AJAP1: variants seen among roughly 807,000 people sequenced by gnomAD.
AJAP1 encodes the protein adherens junction-associated protein 1.
In AJAP1, 5 loss-of-function variants were observed where a neutral mutation model predicts 35.0. The ratio of observed to expected loss-of-function variants is 0.14; its 90% CI spans 0.07 to 0.30. AJAP1 has a LOEUF of 0.30. Ranked by LOEUF, AJAP1 falls within the 10% of genes least tolerant of loss-of-function variation. AJAP1 has a pLI of 1.00. For missense variants in AJAP1, 586 were observed against 571.0 expected (o/e 1.03, Z -0.27); for synonymous variants, 284 against 249.3 (o/e 1.14, Z -1.31).
rs1640880622 is a variant in AJAP1, at chr1:4,734,853, G to A, written c.829+22154G>A. The stretch of plus-strand genomic sequence containing the variant: ...GAAGCATCTTCTGCTTCCGAGGCCC[G>A]AAACAGTGGCGTTTCCTCTTCCCCG... On this transcript the variant is annotated intron_variant, in intron 2 of 5. Coordinates refer to ENST00000378191, the MANE Select transcript of AJAP1 (RefSeq NM_018836.4). This position sits in a 1 kb window ranked among gnomAD's most constrained non-coding sequence, Gnocchi z 4.3. 6.6e-6 allele frequency among the ~76,000 whole-genome samples: 1 copy of A among 152,140 alleles called. No homozygotes were observed. The highest frequency in any genetic ancestry group is 6.5e-5 in the Admixed American group (1 of 15,280).
rs558713184 is a variant in AJAP1, at chr1:4,740,810, G to T, written c.829+28111G>T. Among the ~76,000 whole-genome samples the T allele has an allele frequency of 5.7e-3, 859 of 150,884 alleles. 5 individuals are homozygous for T. The highest frequency in any genetic ancestry group is 0.01 in the Non-Finnish European group (686 of 67,754). ...CAAAAAAAAAAAAAAAAAAAAGCGG[G>T]GGGGGCTAAGATGGTCAATTTTATC... On this transcript the variant is annotated intron_variant, in intron 2 of 5. Transcript: ENST00000378191.
intron 5 of AJAP1, among the ~76,000 whole-genome samples, chr1:4,775,227 T>C (rs1446760823): frequency 1.3e-5 from 2 of 152,180 alleles, no homozygotes; most frequent in Non-Finnish European, 2.9e-5. Flanking sequence ...GTGCTGAGTC[T>C]TCAGAGCACT....
chr1:4,729,747 C>T (rs988719728), intron 2 of AJAP1, among the ~76,000 whole-genome samples: 1 of 152,224 alleles, frequency 6.6e-6, no homozygotes, highest in African/African-American at 2.4e-5. Context: ...AATAAGGTCA[C>T]AGTTCACGGG....
chr1:4,765,428 A>T (rs186284814), intron 2 of AJAP1, among the ~76,000 whole-genome samples: 3 of 151,956 alleles, frequency 2.0e-5, no homozygotes, highest in Admixed American at 2.0e-4. Flanking sequence ...GCTAATAGCC[A>T]CCAGAGACTT....
intron 2 of AJAP1, among the ~76,000 whole-genome samples, chr1:4,737,819 T>C (rs916704582): frequency 1.3e-5 from 2 of 152,178 alleles, no homozygotes; most frequent in African/African-American, 2.4e-5. Flanking sequence ...GGTGGATCGC[T>C]TGAGCCCAGA....
chr1:4,706,437 T>A (rs1389007507), intron 1 of AJAP1, among the ~76,000 whole-genome samples: 1 of 152,130 alleles, frequency 6.6e-6, no homozygotes, highest in Non-Finnish European at 1.5e-5. Flanking sequence ...AACTTCCCCA[T>A]CAAATGCAGC....
intron 1 of AJAP1, among the ~76,000 whole-genome samples, chr1:4,704,766 C>G (rs1456087910): frequency 6.6e-6 from 1 of 152,180 alleles, no homozygotes; most frequent in African/African-American, 2.4e-5. Flanking sequence ...AGTTTACAGT[C>G]CCACCAACAG....
At chr1:4,680,044 G>A (rs960306273) in intron 1 of AJAP1, among the ~76,000 whole-genome samples, 1 of 152,188 alleles carries the variant, frequency 6.6e-6, no homozygotes, top group Non-Finnish European at 1.5e-5. Context: ...GACTCAAGAA[G>A]AGCTGATGTT....
At chr1:4,749,942 A>G (rs533309683) in intron 2 of AJAP1, among the ~76,000 whole-genome samples, 4 of 151,926 alleles carry the variant, frequency 2.6e-5, no homozygotes, top group Non-Finnish European at 4.4e-5. Flanking sequence ...TTGTGTATGC[A>G]TGTGCCCATT....
Position 4,782,093 on chromosome 1 carries a change from C to T in AJAP1, c.*60-452C>T, listed in dbSNP as rs112250354. Among the ~76,000 whole-genome samples the T allele has an allele frequency of 0.015, 2,306 of 152,294 alleles. 53 individuals are homozygous for T. Among genetic ancestry groups the T allele is most frequent in the African/African-American group, 0.053 (2,206 of 41,544 alleles). On this transcript the variant is annotated intron_variant, in intron 5 of 5. Coordinates refer to ENST00000378191, the MANE Select transcript of AJAP1 (RefSeq NM_018836.4). This position sits in a 1 kb window ranked among gnomAD's most constrained non-coding sequence, Gnocchi z 5.3. ...GACAGAAACAGACTCCCATTCTTCC[C>T]GCAGCACAGGAGTGGAGCAGGCCCC...
chr1:4,677,092 G>A (rs1639378605), intron 1 of AJAP1, among the ~76,000 whole-genome samples: 1 of 152,236 alleles, frequency 6.6e-6, no homozygotes, highest in Non-Finnish European at 1.5e-5. Context: ...GGGAGGCGGA[G>A]GTTGCGGTGA....
At chr1:4,674,538 T>A (rs1415059177) in intron 1 of AJAP1, among the ~76,000 whole-genome samples, 1 of 152,176 alleles carries the variant, frequency 6.6e-6, no homozygotes, top group Admixed American at 6.5e-5. Flanking sequence ...GGTTCAGAGG[T>A]CAGTGCAGAA....
At chr1:4,767,025 A>G (rs1055758130) in intron 2 of AJAP1, among the ~76,000 whole-genome samples, 1 of 152,092 alleles carries the variant, frequency 6.6e-6, no homozygotes, top group African/African-American at 2.4e-5. Context: ...TTAGCCCATA[A>G]TGCACCCTTC....
intron 1 of AJAP1, among the ~76,000 whole-genome samples, chr1:4,663,992 C>T (rs1322381529): frequency 1.3e-5 from 2 of 152,206 alleles, no homozygotes; most frequent in African/African-American, 2.4e-5. Flanking sequence ...TGCAACATAT[C>T]AGTGAACAGT....
At chr1:4,668,439 G>T (rs1277603093) in intron 1 of AJAP1, among the ~76,000 whole-genome samples, 7 of 152,102 alleles carry the variant, frequency 4.6e-5, no homozygotes, top group African/African-American at 1.4e-4. Context: ...ATACATGTCT[G>T]CACTTTTTCC....
rs373607587 is a variant in AJAP1, at chr1:4,772,574, C to T, written c.1163+49C>T. 3.9e-5 allele frequency: 63 copies of T among 1,599,054 alleles called. 1 individual carries two copies. The highest frequency in any genetic ancestry group is 3.3e-4 in the Middle Eastern group (2 of 6,004). On this transcript the variant is annotated intron_variant, in intron 4 of 5. Transcript: ENST00000378191. ...CTGCAGCTGTGAAGCTCTTGGTGCT[C>T]CTGACCCCCGGGGGCCGGTGTGGCT...
At chr1:4,763,209 T>C (rs1557644692) in intron 2 of AJAP1, among the ~76,000 whole-genome samples, 4 of 152,218 alleles carry the variant, frequency 2.6e-5, no homozygotes, top group African/African-American at 9.6e-5. Flanking sequence ...CCACCCAAAG[T>C]GTCTCCAGAC....
chr1:4,779,245 G>C (rs1313809622), intron 5 of AJAP1, among the ~76,000 whole-genome samples: 1 of 152,192 alleles, frequency 6.6e-6, no homozygotes, highest in Non-Finnish European at 1.5e-5. Context: ...AAGAAGAAGA[G>C]GAAGAGTGAG....
chr1:4,711,872 G>A lies in AJAP1; in HGVS notation c.30-28G>A, dbSNP rs369460454. ...TCCCCCTCCTGGGCTTCCACTGACC[G>A]CTCTTCTCTCCTTTCCCCCCCGCAC... is the stretch of plus-strand genomic sequence containing the variant. On this transcript the variant is annotated intron_variant, in intron 1 of 5. Coordinates refer to ENST00000378191, the MANE Select transcript of AJAP1 (RefSeq NM_018836.4). 8 of 1,435,380 alleles carry A rather than the reference G, an allele frequency of 5.6e-6. No homozygotes were observed. In the South Asian group the frequency reaches 1.2e-4, roughly 22 times the overall value. The allele number at this position is 1,435,380 out of a possible 1,614,324, so 88.9% of individuals were successfully genotyped here.
Sources: gnomAD v4.1 joint callset for allele counts (sites outside exome capture counted in the v4.1 genomes callset) on GRCh38, gnomAD v4.1.1 for gene constraint, Gnocchi (gnomAD v3.1) non-coding constraint, MANE v1.5 for transcripts, NCBI Gene and HGNC (gene_info 2026-07-23, HGNC 2026-07-21) for gene names.